The following TNRC18 variants were observed in gnomAD, a reference collection of about 807,000 sequenced individuals.
TNRC18 encodes trinucleotide repeat-containing gene 18 protein.
Under a neutral mutation model 226.7 loss-of-function variants are expected in TNRC18, and 69 were observed. The observed-to-expected ratio is 0.30, with a 90% confidence interval of 0.25 to 0.37. TNRC18 has a LOEUF of 0.37. TNRC18 is among the 10% of genes least tolerant of loss of function. The pLI is 1.00. For missense variants in TNRC18, 4,754 were observed against 4,256.6 expected (o/e 1.12, Z -3.25); for synonymous variants, 2,449 against 1,927.6 (o/e 1.27, Z -7.09).
At chr7:5,345,517 G>GGGGGGGGGGGGC in intron 18 of TNRC18, 45 bp downstream of exon 18, 4 of 377,742 alleles carry the variant, frequency 1.1e-5, no homozygotes, top group Non-Finnish European at 1.9e-5. Flanking sequence ...AATGGCGTCC[G>GGGGGGGGGGGGC]CCCCTCCCAC....
chr7:5,392,022 G>A (rs986663781), intron 3 of TNRC18, among the ~76,000 whole-genome samples: 12 of 151,786 alleles, frequency 7.9e-5, no homozygotes, highest in Admixed American at 7.9e-4. Flanking sequence ...ATACCCAGCT[G>A]CCCCTGCTAA....
At chr7:5,345,026 C>A (rs1450728935) in intron 18 of TNRC18, among the ~76,000 whole-genome samples, 5 of 152,172 alleles carry the variant, frequency 3.3e-5, no homozygotes, top group Non-Finnish European at 7.4e-5. Flanking sequence ...CCACCTGACT[C>A]CTCCAGGCTC....
At chr7:5,392,586 A>G (rs377711877) in intron 3 of TNRC18, among the ~76,000 whole-genome samples, 2 of 152,108 alleles carry the variant, frequency 1.3e-5, no homozygotes. Flanking sequence ...TATATACTCT[A>G]GCCTGGGCGA....
chr7:5,359,646 G>C, intron 14 of TNRC18, 77 bp from the exon 15 acceptor site: 1 of 1,570,754 alleles, frequency 6.4e-7, no homozygotes, highest in Non-Finnish European at 8.7e-7. Context: ...TCATGGCCCT[G>C]AAGGGTTGGG....
In TNRC18 at chr7:5,307,550, C is replaced by G. The variant is rs1260017103; in HGVS notation, c.*556G>C. On this transcript the variant is annotated 3_prime_UTR_variant, in exon 30 of 30. Transcript: ENST00000430969. The stretch of plus-strand genomic sequence containing the variant: ...TGCAACCCCACCCGGCTCTGTTCCC[C>G]AAGTCTAGGCCATCCTGAGAGGGTG... The G allele has an allele frequency of 1.3e-5, 6 of 450,204 alleles. No homozygotes were observed. The highest frequency in any genetic ancestry group is 2.2e-5 in the Non-Finnish European group (5 of 224,424). 27.9% of individuals were successfully genotyped at this position (450,204 alleles called of 1,614,324 possible). A position where few individuals can be genotyped will look rare whatever the true frequency, so the allele number is the denominator to read the frequency against.
rs1789793677 is a variant in TNRC18, at chr7:5,333,669, C to T, written c.5720-620G>A. Among the ~76,000 whole-genome samples the T allele has an allele frequency of 2.6e-5, 4 of 152,172 alleles. No homozygotes were observed. The South Asian group carries it at 8.3e-4, about 32-fold the overall frequency. Reference sequence around the variant, plus strand: ...AATGCACAGCCTCTGAGCACAGCCACCCAGCACTCGCCCAGCACCCACCAT... The same window carrying T: ...AATGCACAGCCTCTGAGCACAGCCATCCAGCACTCGCCCAGCACCCACCAT... On this transcript the variant is annotated intron_variant, in intron 18 of 29. Transcript: ENST00000430969.
intron 18 of TNRC18, among the ~76,000 whole-genome samples, chr7:5,341,762 CAAAAAAA>C (rs34897154): frequency 1.1e-5 from 1 of 92,238 alleles, no homozygotes; most frequent in Non-Finnish European, 2.2e-5. Flanking sequence ...GACTCCGTCT[CAAAAAAA>C]AAAAAAAAAA....
chr7:5,340,975 T>G (rs1790626184), intron 18 of TNRC18, among the ~76,000 whole-genome samples: 1 of 152,070 alleles, frequency 6.6e-6, no homozygotes, highest in Non-Finnish European at 1.5e-5. Flanking sequence ...GTGCCTGGTT[T>G]AAAAGCTTCA....
At chr7:5,339,204 G>A (rs927006088) in intron 18 of TNRC18, among the ~76,000 whole-genome samples, 6 of 148,764 alleles carry the variant, frequency 4.0e-5, no homozygotes, top group African/African-American at 1.5e-4. Context: ...ACCAACAAAT[G>A]TGTTTTTTTT....
Position 5,332,850 on chromosome 7 carries a change from C to A in TNRC18, c.5919G>T (p.Lys1973Asn). 6.6e-7 allele frequency: 1 copy of A among 1,509,058 alleles called. No homozygotes were observed. Among genetic ancestry groups the A allele is most frequent in the Middle Eastern group, 2.3e-4 (1 of 4,400 alleles). 93.5% of individuals were successfully genotyped at this position (1,509,058 alleles called of 1,614,324 possible). A position where few individuals can be genotyped will look rare whatever the true frequency, so the allele number is the denominator to read the frequency against. The change falls in exon 19 of 30, where the codon AAG becomes AAT. Residue 1973 changes from lysine to asparagine, a missense_variant. Physicochemically the swap from Lys to Asn is moderately conservative, Grantham distance 94. Coordinates refer to ENST00000430969, the MANE Select transcript of TNRC18 (RefSeq NM_001080495.3). ...LAVEKGRKAR[K>N]LRGPKEPGFE... ...AGCCAGGCTCCTTGGGGCCCCGCAGCTTCCGGGCCTTGCGCCCCTTCTCCA... is the reference window on the plus strand; with the variant it reads ...AGCCAGGCTCCTTGGGGCCCCGCAGATTCCGGGCCTTGCGCCCCTTCTCCA...
At chr7:5,328,089 G>A (rs1583787937) in intron 19 of TNRC18, among the ~76,000 whole-genome samples, 3 of 152,008 alleles carry the variant, frequency 2.0e-5, no homozygotes, top group South Asian at 4.1e-4. Flanking sequence ...GTGAGGGCAC[G>A]AGCCTGTAAT....
intron 19 of TNRC18, among the ~76,000 whole-genome samples, chr7:5,327,943 C>T (rs947523203): frequency 6.6e-6 from 1 of 152,124 alleles, no homozygotes; most frequent in African/African-American, 2.4e-5. Flanking sequence ...TACTGACAGC[C>T]AGGCGCGGTG....
chr7:5,365,371 C>T (rs564647081), intron 11 of TNRC18, among the ~76,000 whole-genome samples: 1 of 152,238 alleles, frequency 6.6e-6, no homozygotes, highest in East Asian at 1.9e-4. Flanking sequence ...CCTCAGCCTC[C>T]CAAAGTGCTG....
At chr7:5,342,615 G>A (rs1790799078) in intron 18 of TNRC18, among the ~76,000 whole-genome samples, 1 of 152,150 alleles carries the variant, frequency 6.6e-6, no homozygotes. Flanking sequence ...AAGATGAGGA[G>A]CTGCTTTTTA....
chr7:5,315,317 C>T (rs986986019), intron 25 of TNRC18, among the ~76,000 whole-genome samples, 169 bp from the exon 26 acceptor site: 3 of 152,240 alleles, frequency 2.0e-5, no homozygotes, highest in African/African-American at 7.2e-5. Context: ...CAGGGGAAAC[C>T]CCGTCTGCAG....
intron 2 of TNRC18, among the ~76,000 whole-genome samples, chr7:5,411,734 G>C (rs964832605): frequency 2.0e-5 from 3 of 152,058 alleles, no homozygotes; most frequent in Non-Finnish European, 4.4e-5. Context: ...ACAGGAGAGA[G>C]GCAAAGGGAG....
intron 18 of TNRC18, among the ~76,000 whole-genome samples, chr7:5,335,835 GAAAAAAAAAAA>G (rs61412615): frequency 2.9e-4 from 37 of 126,796 alleles, no homozygotes; most frequent in East Asian, 2.6e-3. Context: ...ATATTCACTG[GAAAAAAAAAAA>G]AAAAAAAAAA....
chr7:5,338,555 G>A (rs545850690), intron 18 of TNRC18, among the ~76,000 whole-genome samples: 44 of 150,122 alleles, frequency 2.9e-4, no homozygotes, highest in African/African-American at 1.0e-3. Flanking sequence ...CTGGGCAACA[G>A]GTAGAGGTTG....
At chr7:5,413,519 C>A (rs1781970953) in intron 2 of TNRC18, among the ~76,000 whole-genome samples, 1 of 152,260 alleles carries the variant, frequency 6.6e-6, no homozygotes, top group African/African-American at 2.4e-5. Context: ...TGGCTAGCAA[C>A]CCAGCCTCGT....
Sources: allele counts gnomAD v4.1 joint callset (sites outside exome capture counted in the v4.1 genomes callset), GRCh38; gene constraint gnomAD v4.1.1; transcripts MANE v1.5; gene names NCBI Gene and HGNC (gene_info 2026-07-23, HGNC 2026-07-21).